The following RMND5B variants were observed in gnomAD, a reference collection of about 807,000 sequenced individuals.
The protein encoded by RMND5B is E3 ubiquitin-protein transferase RMND5B.
A neutral mutation model predicts 50.4 loss-of-function variants in RMND5B; 42 were observed. The ratio of observed to expected loss-of-function variants is 0.83; its 90% CI spans 0.65 to 1.08. RMND5B has a LOEUF of 1.08. RMND5B is among the 50% of genes least tolerant of loss of function. RMND5B has a pLI of 0.00. For synonymous variants in RMND5B, 220 were observed against 210.0 expected, an observed-to-expected ratio of 1.05 and a Z score of -0.41; for missense variants, 463 against 508.5, an observed-to-expected ratio of 0.91 and a Z score of 0.86.
intron 8 of RMND5B, 64 bp downstream of exon 8, chr5:178,146,343 A>G: frequency 1.3e-6 from 2 of 1,501,106 alleles, no homozygotes; most frequent in Non-Finnish European, 1.8e-6. Context: ...TCATTTGCCA[A>G]GGCCCTGCCA....
At position 178,147,780 on chromosome 5, in the gene RMND5B, C is replaced by T. The variant is rs752733021; in HGVS notation, c.1015C>T (p.Pro339Ser). ...CTGGTACCACTCCGTGTTCGCTTGC[C>T]CCATCCTCCGCCAGCAGACGTCAGA... The part of the protein sequence containing the change: ...KCWYHSVFAC[P>S]ILRQQTSDSN... The change falls in exon 10 of 11, where the codon CCC becomes TCC. Residue 339 changes from proline to serine, a missense_variant. Pro to Ser is a moderately conservative substitution (Grantham distance 74, BLOSUM62 -1). Coordinates refer to ENST00000313386, the MANE Select transcript of RMND5B (RefSeq NM_022762.5). 1.2e-6 allele frequency: 2 copies of T among 1,614,052 alleles called. No individual in the cohort carries two copies. The highest frequency in any genetic ancestry group is 1.7e-6 in the Non-Finnish European group (2 of 1,180,040).
At chr5:178,146,502 G>A in intron 8 of RMND5B, 1 of 512,082 alleles carries the variant, frequency 2.0e-6, no homozygotes, top group Middle Eastern at 5.2e-4. Flanking sequence ...GCATGGTCAA[G>A]GTTCCCATTT....
intron 2 of RMND5B, among the ~76,000 whole-genome samples, chr5:178,134,025 TG>T (rs1431139269): frequency 6.6e-6 from 1 of 152,172 alleles, no homozygotes; most frequent in East Asian, 1.9e-4. Flanking sequence ...AATCAACAAA[TG>T]TTTACTGAGC....
intron 7 of RMND5B, among the ~76,000 whole-genome samples, chr5:178,145,347 G>A (rs962442614): frequency 3.7e-4 from 56 of 151,602 alleles, no homozygotes; most frequent in African/African-American, 1.3e-3. Context: ...TTAGCCGGGC[G>A]TGGTGGCGGG....
rs80096363 is a variant in RMND5B, at chr5:178,138,740, T to C, written c.139+482T>C. 0.014 allele frequency among the ~76,000 whole-genome samples: 2,088 copies of C among 152,288 alleles called. 52 individuals are homozygous for C. Among genetic ancestry groups the C allele is most frequent in the African/African-American group, 0.048 (2,003 of 41,552 alleles). ...CCAAGAATAGTATAAAGAACTGATA[T>C]ATACCCTTTACTTGGATTCACCAAC... On this transcript the variant is annotated intron_variant, in intron 3 of 10. Transcript: ENST00000313386. This position sits in a 1 kb window ranked among gnomAD's most constrained non-coding sequence, Gnocchi z 5.1.
At chr5:178,134,617 A>AT (rs762785358) in intron 2 of RMND5B, among the ~76,000 whole-genome samples, 11 of 152,076 alleles carry the variant, frequency 7.2e-5, no homozygotes, top group Non-Finnish European at 7.3e-5. Flanking sequence ...AACCTCCTGC[A>AT]TTTTTTGGAT....
chr5:178,135,483 C>T (rs1758574512), intron 2 of RMND5B, among the ~76,000 whole-genome samples: 1 of 152,136 alleles, frequency 6.6e-6, no homozygotes. Context: ...TTTTTTCCAC[C>T]TCAGTGCCAT....
In RMND5B at chr5:178,138,369, C is replaced by A; in HGVS notation, c.139+111C>A. 2 of 1,463,752 alleles carry A rather than the reference C, an allele frequency of 1.4e-6. No individual in the cohort carries two copies. The highest frequency in any genetic ancestry group is 1.8e-6 in the Non-Finnish European group (2 of 1,104,850). The allele number at this position is 1,463,752 out of a possible 1,614,324, so 90.7% of individuals were successfully genotyped here. On this transcript the variant is annotated intron_variant, in intron 3 of 10. Coordinates refer to ENST00000313386, the MANE Select transcript of RMND5B (RefSeq NM_022762.5). The surrounding 1 kb of genome is among the most constrained non-coding windows in gnomAD (Gnocchi z 5.1). ...AGGACGATGATGAGGATGTTGGTACCTGCATCTGTAGGCCTCCTTGAAACC... is the reference window on the plus strand; with the variant it reads ...AGGACGATGATGAGGATGTTGGTACATGCATCTGTAGGCCTCCTTGAAACC...
Position 178,149,758 on chromosome 5 carries a change from G to A in RMND5B, c.*1726G>A, listed in dbSNP as rs567317314. 2.7e-5 allele frequency: 43 copies of A among 1,613,952 alleles called. No individual in the cohort carries two copies. Among genetic ancestry groups the A allele is most frequent in the Middle Eastern group, 1.6e-4 (1 of 6,076 alleles). ...ACTGCACCTCCTCCAGGCACTCATCGTAAGCCTCCTGGTACTCCTCATGGG... is the reference window on the plus strand; with the variant it reads ...ACTGCACCTCCTCCAGGCACTCATCATAAGCCTCCTGGTACTCCTCATGGG... On this transcript the variant is annotated 3_prime_UTR_variant, in exon 11 of 11. Transcript: ENST00000313386.
rs1429056549 is a variant in RMND5B, at chr5:178,149,984, T to C, written c.*1952T>C. ...TCTATTTAAAAGCATCTTGAATTGG[T>C]TGCCATCATTTAAACTCAATCAGAC... On this transcript the variant is annotated 3_prime_UTR_variant, in exon 11 of 11. Coordinates refer to ENST00000313386, the MANE Select transcript of RMND5B (RefSeq NM_022762.5). 14 of 846,062 alleles carry C rather than the reference T, an allele frequency of 1.7e-5. No homozygotes were observed. The highest frequency in any genetic ancestry group is 2.9e-5 in the Admixed American group (1 of 34,530). 52.4% of individuals were successfully genotyped at this position (846,062 alleles called of 1,614,324 possible). A position where few individuals can be genotyped will look rare whatever the true frequency, so the allele number is the denominator to read the frequency against.
chr5:178,134,993 T>A (rs1185411543), intron 2 of RMND5B, among the ~76,000 whole-genome samples: 1 of 136,472 alleles, frequency 7.3e-6, no homozygotes, highest in Non-Finnish European at 1.6e-5. Context: ...AAAAAAAAAA[T>A]TACTGAGTTA....
rs1468202809 is a variant in RMND5B, at chr5:178,137,560, ACTC to A, written c.-12-545_-12-543del. On this transcript the variant is annotated intron_variant, in intron 2 of 10. Coordinates refer to ENST00000313386, the MANE Select transcript of RMND5B (RefSeq NM_022762.5). This position sits in a 1 kb window ranked among gnomAD's most constrained non-coding sequence, Gnocchi z 4.4. ...TTAAATTAGACAGGTGTAGAAGCAC[ACTC>A]CTGTGGTCCCAGCTAGTCAGGAGGC... 6.6e-6 allele frequency among the ~76,000 whole-genome samples: 1 copy of A among 151,794 alleles called. No homozygotes were observed. Among genetic ancestry groups the A allele is most frequent in the Non-Finnish European group, 1.5e-5 (1 of 67,962 alleles).
Position 178,138,305 on chromosome 5 carries a change from C to G in RMND5B, c.139+47C>G, listed in dbSNP as rs1234364428. On this transcript the variant is annotated intron_variant, in intron 3 of 10. Coordinates refer to ENST00000313386, the MANE Select transcript of RMND5B (RefSeq NM_022762.5). This position sits in a 1 kb window ranked among gnomAD's most constrained non-coding sequence, Gnocchi z 5.1. ...TGCCCTGCGACAGCCTCCCTGAGGA[C>G]ATGGGAGACCCGAAGCTACTGAGTG... 2 of 1,599,192 alleles carry G rather than the reference C, an allele frequency of 1.3e-6. No individual in the cohort carries two copies. The highest frequency in any genetic ancestry group is 1.7e-6 in the Non-Finnish European group (2 of 1,172,608).
In RMND5B at chr5:178,144,021, C is replaced by A; in HGVS notation, c.607C>A (p.Arg203Ser). ...CAAGCTGCACCGACTGCACTTCATC[C>A]GCCTCTTGGCAGGAGGCCCCGCGAA... ...EFKLHRLHFI[R>S]LLAGGPAKQL... Residue 203 changes from arginine (R) to serine (S), a missense_variant, in exon 7 of 11, where the codon CGC becomes AGC. Physicochemically the swap from Arg to Ser is moderately radical, Grantham distance 110. Transcript: ENST00000313386. The A allele has an allele frequency of 6.2e-7, 1 of 1,614,260 alleles. No individual in the cohort carries two copies. The highest frequency in any genetic ancestry group is 2.2e-5 in the East Asian group (1 of 44,884).
At chr5:178,132,976 T>TG in intron 2 of RMND5B, among the ~76,000 whole-genome samples, 1 of 151,866 alleles carries the variant, frequency 6.6e-6, no homozygotes, top group East Asian at 1.9e-4. Context: ...GCAATTCTCC[T>TG]GCCTCAGCCT....
Position 178,142,975 on chromosome 5 carries a change from G to A in RMND5B, c.409G>A (p.Ala137Thr). ...HLYQQGMLSVAEELCQESTLN... is the reference protein window; with the variant it reads ...HLYQQGMLSVTEELCQESTLN... ...GTATCAGCAGGGCATGCTCAGCGTG[G>A]CCGAGGAGCTGTGCCAGGTACAGTC... Residue 137 changes from alanine to threonine, a missense_variant, in exon 5 of 11, where the codon GCC becomes ACC. Transcript: ENST00000313386. 6.2e-7 allele frequency: 1 copy of A among 1,613,724 alleles called. No individual in the cohort carries two copies. The highest frequency in any genetic ancestry group is 8.5e-7 in the Non-Finnish European group (1 of 1,179,770).
Position 178,144,038 on chromosome 5 carries a change from C to T in RMND5B, c.624C>T (p.Gly208=). The change falls in exon 7 of 11, where the codon GGC becomes GGT. Residue 208 remains glycine, a synonymous_variant. Transcript: ENST00000313386. ...RLHFIRLLAG[G]PAKQLEALSY... Reference sequence around the variant, plus strand: ...ACTTCATCCGCCTCTTGGCAGGAGGCCCCGCGAAGCAGCTGGAGGCCCTCA... The same window carrying T: ...ACTTCATCCGCCTCTTGGCAGGAGGTCCCGCGAAGCAGCTGGAGGCCCTCA... 1 of 1,614,256 alleles carries T rather than the reference C, an allele frequency of 6.2e-7. No individual in the cohort carries two copies. The highest frequency in any genetic ancestry group is 8.5e-7 in the Non-Finnish European group (1 of 1,180,048).
In RMND5B at chr5:178,150,428, G is replaced by A; in HGVS notation, c.*2396G>A. The A allele has an allele frequency of 8.9e-6, 3 of 336,792 alleles. No homozygotes were observed. Among genetic ancestry groups the A allele is most frequent in the South Asian group, 7.2e-5 (3 of 41,538 alleles). The allele number at this position is 336,792 out of a possible 1,614,324, so 20.9% of individuals were successfully genotyped here. On this transcript the variant is annotated 3_prime_UTR_variant, in exon 11 of 11. Transcript: ENST00000313386. ...GGGCCTCACTCTGTCATGCAGTCTG[G>A]AGTGTGGTGGTGTATGATCATGGCT...
intron 3 of RMND5B, among the ~76,000 whole-genome samples, chr5:178,139,199 T>C (rs891633470): frequency 2.7e-5 from 4 of 150,130 alleles, no homozygotes; most frequent in Non-Finnish European, 4.4e-5. Context: ...CTAATAACTA[T>C]AGTTCACATT....
Sources: allele counts gnomAD v4.1 joint callset (sites outside exome capture counted in the v4.1 genomes callset), GRCh38; gene constraint gnomAD v4.1.1; non-coding constraint Gnocchi (gnomAD v3.1); transcripts MANE v1.5; gene names NCBI Gene and HGNC (gene_info 2026-07-23, HGNC 2026-07-21).